ANKRD30BL: variants seen among roughly 807,000 people sequenced by gnomAD.
The protein encoded by ANKRD30BL is putative ankyrin repeat domain-containing protein 30B-like.
Under a neutral mutation model 18.4 loss-of-function variants are expected in ANKRD30BL, and 20 were observed. The ratio of observed to expected loss-of-function variants is 1.09; its 90% confidence interval spans 0.77 to 1.58. The LOEUF (loss-of-function observed/expected upper bound fraction) is 1.58. Ranked by LOEUF, ANKRD30BL falls within the 40% of genes most tolerant of loss-of-function variation. The pLI is 0.00. For synonymous variants in ANKRD30BL, 72 were observed against 100.9 expected, an observed-to-expected ratio of 0.71 and a Z score of 1.72; for missense variants, 224 against 268.6, an observed-to-expected ratio of 0.83 and a Z score of 1.16.
chr2:132,192,605 G>T (rs1339440213), intron 1 of ANKRD30BL, among the ~76,000 whole-genome samples: 2 of 152,206 alleles, frequency 1.3e-5, no homozygotes, highest in East Asian at 3.8e-4. Flanking sequence ...TGAGACAAAG[G>T]CCAAGCAAGA....
At chr2:132,209,214 T>C (rs959382281) in intron 1 of ANKRD30BL, among the ~76,000 whole-genome samples, 1 of 152,130 alleles carries the variant, frequency 6.6e-6, no homozygotes, top group Non-Finnish European at 1.5e-5. Flanking sequence ...TCTGAGAAAC[T>C]TCTTTGTGAT....
intron 3 of ANKRD30BL, chr2:132,155,809 G>A (rs1340717273): frequency 1.3e-5 from 2 of 149,728 alleles, no homozygotes; most frequent in African/African-American, 5.0e-5. Context: ...TGAGGCAGGA[G>A]AATCGCTTGA....
intron 1 of ANKRD30BL, among the ~76,000 whole-genome samples, chr2:132,252,126 T>G (rs78380124): frequency 1.3e-5 from 2 of 152,240 alleles, no homozygotes; most frequent in Non-Finnish European, 2.9e-5. Flanking sequence ...AAACTGTATT[T>G]TTTTTTACAC....
At chr2:132,250,529 T>A (rs1328693736) in intron 1 of ANKRD30BL, among the ~76,000 whole-genome samples, 3 of 152,188 alleles carry the variant, frequency 2.0e-5, no homozygotes, top group Non-Finnish European at 4.4e-5. Flanking sequence ...GCCGAAAATG[T>A]GAATATTTGG....
At chr2:132,242,667 G>A (rs1680371361) in intron 1 of ANKRD30BL, among the ~76,000 whole-genome samples, 1 of 151,748 alleles carries the variant, frequency 6.6e-6, no homozygotes, top group South Asian at 2.1e-4. Flanking sequence ...ATCTGCAAGT[G>A]GATATTTGGA....
At chr2:132,228,031 G>T (rs1457321828) in intron 1 of ANKRD30BL, among the ~76,000 whole-genome samples, 5 of 152,074 alleles carry the variant, frequency 3.3e-5, no homozygotes, top group Non-Finnish European at 5.9e-5. Context: ...CTGTCTTTTT[G>T]TTGAATGGGG....
chr2:132,166,563 G>T (rs2104937951), upstream of ANKRD30BL, among the ~76,000 whole-genome samples: 1 of 151,918 alleles, frequency 6.6e-6, no homozygotes, highest in Admixed American at 6.6e-5. Flanking sequence ...ATTTTATATA[G>T]GTTATTGAAC....
intron 1 of ANKRD30BL, among the ~76,000 whole-genome samples, chr2:132,169,978 C>T (rs1216750318): frequency 6.6e-6 from 1 of 152,004 alleles, no homozygotes; most frequent in Non-Finnish European, 1.5e-5. Flanking sequence ...TTTTTTGCCT[C>T]ATTGGTAGAT....
At chr2:132,253,112 C>G (rs562742453) in intron 1 of ANKRD30BL, 1 of 179,668 alleles carries the variant, frequency 5.6e-6, no homozygotes, top group Non-Finnish European at 1.2e-5. Context: ...TCATGCACCC[C>G]GAGGAGCCCA....
intron 1 of ANKRD30BL, among the ~76,000 whole-genome samples, chr2:132,232,070 G>C (rs753721533): frequency 2.2e-4 from 33 of 152,292 alleles, no homozygotes; most frequent in Admixed American, 1.6e-3. Context: ...CCCCAGCAGG[G>C]GCACACTGAC....
intron 1 of ANKRD30BL, among the ~76,000 whole-genome samples, chr2:132,160,913 A>C (rs1261138598): frequency 6.7e-6 from 1 of 150,354 alleles, no homozygotes; most frequent in Non-Finnish European, 1.5e-5. Context: ...TTGCATCTTC[A>C]GAAAAATGAG....
At chr2:132,200,174 C>T (rs1380431784) in intron 1 of ANKRD30BL, among the ~76,000 whole-genome samples, 2 of 151,676 alleles carry the variant, frequency 1.3e-5, no homozygotes, top group African/African-American at 4.9e-5. Context: ...ATGACAAACC[C>T]ACAGCCAATA....
chr2:132,192,274 AG>A (rs1678871969), intron 1 of ANKRD30BL, among the ~76,000 whole-genome samples: 1 of 152,202 alleles, frequency 6.6e-6, no homozygotes, highest in Non-Finnish European at 1.5e-5. Context: ...CAGCATGTCC[AG>A]GCTCCATTGT....
chr2:132,246,197 G>C (rs1680494513), intron 1 of ANKRD30BL, among the ~76,000 whole-genome samples: 1 of 151,670 alleles, frequency 6.6e-6, no homozygotes. Flanking sequence ...TCACTGAGTT[G>C]AACATTCCTT....
At chr2:132,235,450 GC>G (rs1680129074) in intron 1 of ANKRD30BL, among the ~76,000 whole-genome samples, 1 of 152,084 alleles carries the variant, frequency 6.6e-6, no homozygotes, top group South Asian at 2.1e-4. Flanking sequence ...CATTGTCTCA[GC>G]CCAAAATCTC....
chr2:132,198,288 C>A (rs1426856195), intron 1 of ANKRD30BL, among the ~76,000 whole-genome samples: 5 of 9,740 alleles, frequency 5.1e-4, no homozygotes, highest in Non-Finnish European at 1.3e-3. Context: ...TTCTTTCTTT[C>A]TTTCTTTCTT....
intron 1 of ANKRD30BL, among the ~76,000 whole-genome samples, chr2:132,216,899 C>T (rs77886865): frequency 1.3e-5 from 2 of 151,916 alleles, no homozygotes; most frequent in African/African-American, 2.4e-5. Context: ...TGCTTCGAGG[C>T]ATTCGTTGGA....
At chr2:132,252,572 G>A (rs1176971586) in intron 1 of ANKRD30BL, among the ~76,000 whole-genome samples, 2 of 152,052 alleles carry the variant, frequency 1.3e-5, no homozygotes, top group African/African-American at 2.4e-5. Context: ...CGAGGAGGAC[G>A]GTGCCTCAGA....
chr2:132,232,215 C>T (rs62166173), intron 1 of ANKRD30BL, among the ~76,000 whole-genome samples: 26,189 of 152,110 alleles, frequency 0.17, 4,987 homozygotes, highest in African/African-American at 0.48. Flanking sequence ...CAACAGTAGA[C>T]AAAATCACAA....
Sources: allele counts gnomAD v4.1 joint callset (sites outside exome capture counted in the v4.1 genomes callset), GRCh38; gene constraint gnomAD v4.1.1; transcripts MANE v1.5; gene names NCBI Gene and HGNC (gene_info 2026-07-23, HGNC 2026-07-21).